ZNF71: variants seen among roughly 807,000 people sequenced by gnomAD.
The protein encoded by ZNF71 is endothelial zinc finger protein induced by tumor necrosis factor alpha.
In ZNF71, 3 loss-of-function variants were observed where a neutral mutation model predicts 6.7. The ratio of observed to expected loss-of-function variants is 0.45; its 90% CI spans 0.20 to 1.16. ZNF71 has a LOEUF of 1.16. ZNF71 is among the 50% of genes most tolerant of loss of function. The probability of loss-of-function intolerance (pLI) is 0.25; values close to 1 mark genes in which losing one functional copy is unlikely to be tolerated. For synonymous variants in ZNF71, 343 were observed against 311.1 expected (o/e 1.10, Z -1.08); for missense variants, 688 against 728.6 (o/e 0.94, Z 0.64).
At chr19:56,597,103 G>A (rs534356311) in intron 1 of ZNF71, among the ~76,000 whole-genome samples, 7 of 152,180 alleles carry the variant, frequency 4.6e-5, no homozygotes, top group Admixed American at 4.6e-4. Context: ...TTAATAGGAA[G>A]ACAAATGTAA....
chr19:56,617,108 T>TTTTG (rs2044799784), intron 3 of ZNF71, among the ~76,000 whole-genome samples: 1 of 123,432 alleles, frequency 8.1e-6, no homozygotes, highest in African/African-American at 3.7e-5. Context: ...TTCCATTTTC[T>TTTTG]TTTGTTTTTT....
chr19:56,621,220 G>T, intron 3 of ZNF71, 48 bp from the exon 4 acceptor site: 1 of 1,505,150 alleles, frequency 6.6e-7, no homozygotes, highest in East Asian at 2.3e-5. Context: ...CTCACTCCCA[G>T]CATCTTTAAC....
In ZNF71 at chr19:56,622,101, T is replaced by G. The variant is rs2044859244; in HGVS notation, c.994T>G (p.Cys332Gly). The G allele has an allele frequency of 6.2e-7, 1 of 1,612,506 alleles. No individual in the cohort carries two copies. The highest frequency in any genetic ancestry group is 1.3e-5 in the African/African-American group (1 of 74,780). Residue 332 changes from cysteine (C) to glycine (G), a missense_variant, in exon 4 of 4, where the codon TGC becomes GGC. Physicochemically the swap from Cys to Gly is radical, Grantham distance 159. Transcript: ENST00000599599. ...RTHTGEKPYV[C>G]PECGRAFSQN... Reference sequence around the variant, plus strand: ...GCACACCGGGGAGAAGCCGTACGTGTGCCCCGAGTGCGGGCGAGCCTTCAG... The same window carrying G: ...GCACACCGGGGAGAAGCCGTACGTGGGCCCCGAGTGCGGGCGAGCCTTCAG...
intron 2 of ZNF71, among the ~76,000 whole-genome samples, chr19:56,607,862 C>T (rs565274576): frequency 2.6e-5 from 4 of 152,298 alleles, no homozygotes; most frequent in East Asian, 3.9e-4. Context: ...CTTCAGTCTT[C>T]TCAGGGCTTC....
rs746243538 is a variant in ZNF71 at position 56,622,055 on chromosome 19, C to G, written c.948C>G (p.His316Gln). The part of the protein sequence containing the change: ...DCGKAFSQNM[H>Q]LIVHQRTHTG... ...GCAAGGCCTTCAGCCAGAACATGCA[C>G]CTCATCGTGCACCAGCGCACGCACA... The change falls in exon 4 of 4, where the codon CAC becomes CAG. Residue 316 changes from histidine to glutamine, a missense_variant. By Grantham distance (24) the His-to-Gln change is conservative. Coordinates refer to ENST00000599599, the MANE Select transcript of ZNF71 (RefSeq NM_001370215.1). 9 of 1,612,824 alleles carry G rather than the reference C, an allele frequency of 5.6e-6. No individual in the cohort carries two copies. In the African/African-American group the frequency reaches 9.4e-5, roughly 17 times the overall value.
intron 3 of ZNF71, among the ~76,000 whole-genome samples, chr19:56,617,170 G>A (rs1490899453): frequency 6.7e-6 from 1 of 148,592 alleles, no homozygotes; most frequent in Admixed American, 6.7e-5. Flanking sequence ...GAGTGCAGTG[G>A]CATGATCAGA....
In ZNF71 at chr19:56,622,527, G is replaced by A. The variant is rs1331959865; in HGVS notation, c.1420G>A (p.Glu474Lys). 6.2e-6 allele frequency: 10 copies of A among 1,610,040 alleles called. No homozygotes were observed. The highest frequency in any genetic ancestry group is 1.3e-5 in the African/African-American group (1 of 74,868). ...HTGEKPYVCG[E>K]CGKAFSQSAY... is the part of the protein sequence containing the mutation. Reference sequence around the variant, plus strand: ...CGGGGAGAAGCCCTACGTGTGCGGCGAGTGCGGCAAGGCCTTCAGCCAGAG... The same window carrying A: ...CGGGGAGAAGCCCTACGTGTGCGGCAAGTGCGGCAAGGCCTTCAGCCAGAG... Residue 474 changes from glutamate (E) to lysine (K), a missense_variant, in exon 4 of 4, where the codon GAG becomes AAG. Transcript: ENST00000599599.
chr19:56,621,238 A>G (rs2044842844), intron 3 of ZNF71, 30 bp from the exon 4 acceptor site: 1 of 1,514,062 alleles, frequency 6.6e-7, no homozygotes, highest in Admixed American at 2.3e-5. Context: ...AACTACATGT[A>G]TTTGCATCTT....
At position 56,613,889 on chromosome 19, in the gene ZNF71, C is replaced by T; in HGVS notation, c.111C>T (p.Asp37=). The T allele has an allele frequency of 1.8e-6, 2 of 1,110,200 alleles. No individual in the cohort carries two copies. Among genetic ancestry groups the T allele is most frequent in the Non-Finnish European group, 2.2e-6 (2 of 893,358 alleles). 68.8% of individuals were successfully genotyped at this position (1,110,200 alleles called of 1,614,324 possible). A position where few individuals can be genotyped will look rare whatever the true frequency, so the allele number is the denominator to read the frequency against. ...EWQQLEPAQK[D]LYRDVMLENY... ...AGCAGCTGGAGCCTGCCCAGAAGGA[C>T]CTGTACAGGGATGTCATGCTGGAGA... Residue 37 remains aspartate (D), a synonymous_variant, in exon 3 of 4, where the codon GAC becomes GAT. Coordinates refer to ENST00000599599, the MANE Select transcript of ZNF71 (RefSeq NM_001370215.1). This position sits in a 1 kb window ranked among gnomAD's most constrained non-coding sequence, Gnocchi z 4.6.
chr19:56,614,280 C>T (rs2044773931), intron 3 of ZNF71, among the ~76,000 whole-genome samples: 1 of 152,106 alleles, frequency 6.6e-6, no homozygotes, highest in African/African-American at 2.4e-5. Context: ...ACTGGAGACA[C>T]ACAAATTGAG....
chr19:56,622,639 C>T lies in ZNF71; in HGVS notation c.1532C>T (p.Ser511Phe), dbSNP rs772535342. The change falls in exon 4 of 4, where the codon TCC becomes TTC. Residue 511 changes from serine to phenylalanine, a missense_variant. Transcript: ENST00000599599. ...GQCGKSFIKN[S>F]SLTVHQRIHT... ...TGCGGGAAGTCCTTCATCAAGAACT[C>T]CTCCCTCACTGTGCACCAGCGGATC... is the stretch of plus-strand genomic sequence containing the variant. 6.2e-6 allele frequency: 10 copies of T among 1,614,054 alleles called. No homozygotes were observed. The highest frequency in any genetic ancestry group is 8.5e-6 in the Non-Finnish European group (10 of 1,179,964).
Position 56,613,919 on chromosome 19 carries a change from C to T in ZNF71, c.141C>T (p.Tyr47=). The change falls in exon 3 of 4, where the codon TAC becomes TAT. Residue 47 remains tyrosine (Y), a synonymous_variant. Coordinates refer to ENST00000599599, the MANE Select transcript of ZNF71 (RefSeq NM_001370215.1). This position sits in a 1 kb window ranked among gnomAD's most constrained non-coding sequence, Gnocchi z 4.6. ...DLYRDVMLEN[Y]RNLVSLDWET... is the part of the protein sequence containing the mutation. ...ACAGGGATGTCATGCTGGAGAACTA[C>T]AGGAACCTGGTCTCACTGGGTAAGG... is the stretch of plus-strand genomic sequence containing the variant. 1.9e-6 allele frequency: 2 copies of T among 1,077,898 alleles called. No individual in the cohort carries two copies. The highest frequency in any genetic ancestry group is 2.3e-6 in the Non-Finnish European group (2 of 871,546). 66.8% of individuals were successfully genotyped at this position (1,077,898 alleles called of 1,614,324 possible). A position where few individuals can be genotyped will look rare whatever the true frequency, so the allele number is the denominator to read the frequency against.
At position 56,622,616 on chromosome 19, in the gene ZNF71, C is replaced by T; in HGVS notation, c.1509C>T (p.Cys503=). The T allele has an allele frequency of 1.2e-6, 2 of 1,613,520 alleles. No homozygotes were observed. Among genetic ancestry groups the T allele is most frequent in the Non-Finnish European group, 1.7e-6 (2 of 1,179,566 alleles). The change falls in exon 4 of 4, where the codon TGC becomes TGT. Residue 503 remains cysteine (C), a synonymous_variant. Transcript: ENST00000599599. ...AGAAGCCGTACAGGTGCGGCCAGTG[C>T]GGGAAGTCCTTCATCAAGAACTCCT... is the stretch of plus-strand genomic sequence containing the variant. ...TGEKPYRCGQ[C]GKSFIKNSSL...
chr19:56,606,549 G>T (rs559441965), intron 2 of ZNF71, among the ~76,000 whole-genome samples: 67 of 152,280 alleles, frequency 4.4e-4, no homozygotes, highest in African/African-American at 1.4e-3. Flanking sequence ...GGCAGTTCGT[G>T]CCTGGCATCT....
At chr19:56,614,431 A>C (rs547389012) in intron 3 of ZNF71, among the ~76,000 whole-genome samples, 39 of 152,238 alleles carry the variant, frequency 2.6e-4, no homozygotes, top group Non-Finnish European at 5.4e-4. Flanking sequence ...TGGCCTTATC[A>C]GTCAAATATT....
intron 2 of ZNF71, among the ~76,000 whole-genome samples, chr19:56,610,903 T>C (rs1441895569): frequency 1.3e-5 from 2 of 152,216 alleles, no homozygotes. Flanking sequence ...CTGAATGAGA[T>C]TTCATTGTAT....
intron 1 of ZNF71, among the ~76,000 whole-genome samples, chr19:56,596,974 C>T (rs2044630761): frequency 6.6e-6 from 1 of 152,196 alleles, no homozygotes; most frequent in African/African-American, 2.4e-5. Context: ...AGCCACTGGC[C>T]ATACTCTTGG....
chr19:56,617,017 G>A (rs781517365), intron 3 of ZNF71, among the ~76,000 whole-genome samples: 11 of 152,178 alleles, frequency 7.2e-5, no homozygotes, highest in Non-Finnish European at 1.6e-4. Flanking sequence ...GGAAAAATGT[G>A]TGTGTGCATG....
rs1360552008 is a variant in ZNF71 at position 56,621,740 on chromosome 19, C to T, written c.633C>T (p.Ile211=). 1 of 1,614,066 alleles carries T rather than the reference C, an allele frequency of 6.2e-7. No individual in the cohort carries two copies. Among genetic ancestry groups the T allele is most frequent in the Admixed American group, 1.7e-5 (1 of 60,028 alleles). ...RSSSLIKHQR[I]HTGEKPFECD... ...CGTCCCTGATAAAGCACCAAAGGAT[C>T]CACACGGGAGAAAAGCCGTTTGAGT... The change falls in exon 4 of 4, where the codon ATC becomes ATT. Residue 211 remains isoleucine, a synonymous_variant. Coordinates refer to ENST00000599599, the MANE Select transcript of ZNF71 (RefSeq NM_001370215.1).
Sources: allele counts gnomAD v4.1 joint callset (sites outside exome capture counted in the v4.1 genomes callset), GRCh38; gene constraint gnomAD v4.1.1; non-coding constraint Gnocchi (gnomAD v3.1); transcripts MANE v1.5; gene names NCBI Gene and HGNC (gene_info 2026-07-23, HGNC 2026-07-21).